The following PTPRD variants were observed in gnomAD, a reference collection of about 807,000 sequenced individuals.
PTPRD encodes receptor-type tyrosine-protein phosphatase delta.
In PTPRD, 34 loss-of-function variants were observed where a neutral mutation model predicts 214.5. The ratio of observed to expected loss-of-function variants is 0.16; its 90% confidence interval spans 0.12 to 0.21. The LOEUF (loss-of-function observed/expected upper bound fraction) is 0.21. Ranked by LOEUF, PTPRD falls within the 10% of genes least tolerant of loss-of-function variation. The pLI is 1.00. For missense variants in PTPRD, 2,545 were observed against 2,398.7 expected, an observed-to-expected ratio of 1.06 and a Z score of -1.27; for synonymous variants, 1,128 against 845.7, an observed-to-expected ratio of 1.33 and a Z score of -5.79.
intron 2 of PTPRD, among the ~76,000 whole-genome samples, chr9:10,605,320 T>A (rs992388386): frequency 6.6e-6 from 1 of 151,918 alleles, no homozygotes; most frequent in African/African-American, 2.4e-5. Context: ...TTGTATTCTA[T>A]GAATTTGGAA....
intron 5 of PTPRD, among the ~76,000 whole-genome samples, chr9:9,828,409 C>A (rs1264275494): frequency 6.6e-6 from 1 of 152,038 alleles, no homozygotes; most frequent in Non-Finnish European, 1.5e-5. Context: ...GGACAAAAAA[C>A]CAAACACTGC....
intron 10 of PTPRD, among the ~76,000 whole-genome samples, chr9:9,101,560 A>G (rs1186973078): frequency 6.6e-6 from 1 of 152,216 alleles, no homozygotes; most frequent in Non-Finnish European, 1.5e-5. Flanking sequence ...CATGACTGAC[A>G]TTTACAAAAT....
chr9:10,526,509 G>A (rs1362741597), intron 2 of PTPRD, among the ~76,000 whole-genome samples: 1 of 151,948 alleles, frequency 6.6e-6, no homozygotes, highest in Non-Finnish European at 1.5e-5. Context: ...ATTATTTCAG[G>A]AGCTTATAAG....
chr9:10,584,221 T>C (rs897136166), intron 2 of PTPRD, among the ~76,000 whole-genome samples: 7 of 151,910 alleles, frequency 4.6e-5, no homozygotes, highest in Non-Finnish European at 8.8e-5. Flanking sequence ...AAGGCTCTTA[T>C]CTCTTTCTTC....
intron 12 of PTPRD, among the ~76,000 whole-genome samples, chr9:8,640,573 A>C (rs112580477): frequency 2.0e-5 from 3 of 151,206 alleles, no homozygotes; most frequent in East Asian, 3.9e-4. Context: ...AAAAAAAAAA[A>C]AACAAAAAAA....
At chr9:9,181,392 A>G (rs2099928105) in intron 10 of PTPRD, among the ~76,000 whole-genome samples, 1 of 151,866 alleles carries the variant, frequency 6.6e-6, no homozygotes, top group Non-Finnish European at 1.5e-5. Context: ...CTGTTTTGAG[A>G]AGGTGAACTG....
At chr9:9,579,619 G>A (rs2090115093) in intron 7 of PTPRD, among the ~76,000 whole-genome samples, 1 of 152,016 alleles carries the variant, frequency 6.6e-6, no homozygotes, top group Non-Finnish European at 1.5e-5. Context: ...CCTAGTAAGT[G>A]TTGTTCCCCT....
At chr9:8,936,477 T>C (rs1034554359) in intron 11 of PTPRD, among the ~76,000 whole-genome samples, 1 of 134,514 alleles carries the variant, frequency 7.4e-6, no homozygotes, top group African/African-American at 2.6e-5. Context: ...TTCATCTAAT[T>C]TTTGAGCTAC....
intron 3 of PTPRD, among the ~76,000 whole-genome samples, chr9:10,128,699 G>A (rs2098837542): frequency 6.6e-6 from 1 of 152,042 alleles, no homozygotes; most frequent in Admixed American, 6.6e-5. Context: ...TTTTCTCTCT[G>A]CGATACCGTC....
chr9:10,164,162 G>T (rs182424618), intron 3 of PTPRD, among the ~76,000 whole-genome samples: 96 of 151,496 alleles, frequency 6.3e-4, no homozygotes, highest in Non-Finnish European at 1.2e-3. Context: ...TAATAACCTT[G>T]AGGGATTATA....
At chr9:8,664,977 T>C (rs778037350) in intron 12 of PTPRD, among the ~76,000 whole-genome samples, 9 of 152,308 alleles carry the variant, frequency 5.9e-5, no homozygotes, top group South Asian at 2.1e-4. Flanking sequence ...AATTGAGTGA[T>C]AGAATGCAAA....
At chr9:9,796,383 C>T (rs1054416849) in intron 5 of PTPRD, among the ~76,000 whole-genome samples, 2 of 152,106 alleles carry the variant, frequency 1.3e-5, no homozygotes, top group African/African-American at 4.8e-5. Context: ...TATGTGCTGT[C>T]TGAGGAATCA....
intron 11 of PTPRD, among the ~76,000 whole-genome samples, chr9:8,875,284 G>A (rs968517255): frequency 5.9e-5 from 9 of 152,260 alleles, no homozygotes; most frequent in East Asian, 3.9e-4. Context: ...TCAGCACTTC[G>A]GGAGGCCGAG....
intron 2 of PTPRD, among the ~76,000 whole-genome samples, chr9:10,341,827 A>T (rs2096944626): frequency 6.6e-6 from 1 of 152,052 alleles, no homozygotes; most frequent in South Asian, 2.1e-4. Flanking sequence ...CCTAAGTAAT[A>T]TTAATTCTTT....
At chr9:9,786,918 G>A (rs988022287) in intron 5 of PTPRD, among the ~76,000 whole-genome samples, 4 of 152,072 alleles carry the variant, frequency 2.6e-5, no homozygotes, top group African/African-American at 9.7e-5. Flanking sequence ...GCCGAGGCAG[G>A]TGGATCAGGA....
chr9:10,133,855 G>T (rs1397061630), intron 3 of PTPRD, among the ~76,000 whole-genome samples: 1 of 152,050 alleles, frequency 6.6e-6, no homozygotes, highest in Non-Finnish European at 1.5e-5. Context: ...CTTAGTGCTT[G>T]TTATGTGATT....
chr9:8,752,614 G>A lies in PTPRD; in HGVS notation c.-103-18668C>T, dbSNP rs139597864. Among the ~76,000 whole-genome samples the A allele has an allele frequency of 9.0e-3, 1,369 of 152,086 alleles. 23 individuals are homozygous for A. Among genetic ancestry groups the A allele is most frequent in the African/African-American group, 0.031 (1,277 of 41,466 alleles). ...AGAACCCTCTCTTGGGGTCTGGATCGGGACCCCTTTCCTGTAACACCACCA... is the reference window on the plus strand; with the variant it reads ...AGAACCCTCTCTTGGGGTCTGGATCAGGACCCCTTTCCTGTAACACCACCA... On this transcript the variant is annotated intron_variant, in intron 11 of 45. Transcript: ENST00000381196.
intron 5 of PTPRD, among the ~76,000 whole-genome samples, chr9:9,874,324 T>A (rs556389287): frequency 6.6e-6 from 1 of 152,270 alleles, no homozygotes; most frequent in South Asian, 2.1e-4. Flanking sequence ...TCCCTAGCCA[T>A]AACCTCCAAA....
intron 10 of PTPRD, among the ~76,000 whole-genome samples, chr9:9,076,876 C>T (rs1202227153): frequency 1.3e-5 from 2 of 151,308 alleles, no homozygotes; most frequent in Admixed American, 6.6e-5. Context: ...GAGGAAATTC[C>T]AAACTGTTCT....
Sources: allele counts gnomAD v4.1 joint callset (sites outside exome capture counted in the v4.1 genomes callset), GRCh38; gene constraint gnomAD v4.1.1; transcripts MANE v1.5; gene names NCBI Gene and HGNC (gene_info 2026-07-23, HGNC 2026-07-21).